Variants in TDRP observed in about 807,000 individuals in gnomAD.
TDRP encodes the protein testis development related protein, also known as testis development-related protein.
A neutral mutation model predicts 10.5 loss-of-function variants in TDRP; 12 were observed. That is an observed-to-expected ratio of 1.15 (90% confidence interval 0.73 to 1.86). TDRP has a LOEUF of 1.86. TDRP is among the 40% of genes most tolerant of loss of function. The pLI is 0.00. For synonymous variants in TDRP, 139 were observed against 95.4 expected, an observed-to-expected ratio of 1.46 and a Z score of -2.67; for missense variants, 353 against 229.2, an observed-to-expected ratio of 1.54 and a Z score of -3.49.
At chr8:498,356 A>T (rs1402888435) in intron 1 of TDRP, among the ~76,000 whole-genome samples, 1 of 152,184 alleles carries the variant, frequency 6.6e-6, no homozygotes, top group Non-Finnish European at 1.5e-5. Context: ...CATGGCATGT[A>T]AAGGGATTAT....
chr8:528,299 C>T (rs1443851742), intron 1 of TDRP, among the ~76,000 whole-genome samples: 4 of 152,162 alleles, frequency 2.6e-5, no homozygotes, highest in African/African-American at 9.7e-5. Context: ...AACCGTTGTA[C>T]ACTATTGGTG....
At chr8:544,038 G>C (rs904227938) in intron 1 of TDRP, among the ~76,000 whole-genome samples, 2 of 152,120 alleles carry the variant, frequency 1.3e-5, no homozygotes, top group African/African-American at 2.4e-5. Context: ...CACTCGTCAG[G>C]TAAAGGCCTT....
At chr8:502,215 G>A (rs182715688) in intron 1 of TDRP, among the ~76,000 whole-genome samples, 96 of 152,310 alleles carry the variant, frequency 6.3e-4, no homozygotes, top group African/African-American at 1.9e-3. Flanking sequence ...CTAAATTTGG[G>A]AACTCACAGT....
chr8:539,866 G>C (rs748135173), intron 1 of TDRP, among the ~76,000 whole-genome samples: 35 of 152,104 alleles, frequency 2.3e-4, no homozygotes, highest in Non-Finnish European at 4.0e-4. Flanking sequence ...CTATTCCTTG[G>C]CTCTCCCCAT....
intron 1 of TDRP, among the ~76,000 whole-genome samples, chr8:522,078 G>C (rs1038343991): frequency 6.6e-6 from 1 of 152,142 alleles, no homozygotes; most frequent in Non-Finnish European, 1.5e-5. Flanking sequence ...CAACCTTGCT[G>C]AATTTGTTCA....
chr8:507,354 G>C lies in TDRP; in HGVS notation c.109-12757C>G, dbSNP rs546670292. 2.6e-5 allele frequency among the ~76,000 whole-genome samples: 4 copies of C among 152,248 alleles called. 1 individual carries two copies. The highest frequency in any genetic ancestry group is 9.6e-5 in the African/African-American group (4 of 41,554). On this transcript the variant is annotated intron_variant, in intron 1 of 2. Coordinates refer to ENST00000324079, the MANE Select transcript of TDRP (RefSeq NM_001384899.1). Reference sequence around the variant, plus strand: ...GCTGCTGGCTTTCAGGGAAGAACTAGGGAATAAGACAGCTGGAAGGATCCT... The same window carrying C: ...GCTGCTGGCTTTCAGGGAAGAACTACGGAATAAGACAGCTGGAAGGATCCT...
At chr8:494,455 C>G in intron 2 of TDRP, 39 bp downstream of exon 2, 1 of 1,590,286 alleles carries the variant, frequency 6.3e-7, no homozygotes, top group Non-Finnish European at 8.6e-7. Flanking sequence ...CTTCCTCCCT[C>G]TCCTGAAATG....
At chr8:524,652 A>T (rs1391771631) in intron 1 of TDRP, among the ~76,000 whole-genome samples, 1 of 152,174 alleles carries the variant, frequency 6.6e-6, no homozygotes, top group Non-Finnish European at 1.5e-5. Context: ...TTACAAGCTA[A>T]AAAATTAAAC....
chr8:542,762 C>A (rs1337082786), intron 1 of TDRP, among the ~76,000 whole-genome samples: 2 of 150,424 alleles, frequency 1.3e-5, no homozygotes, highest in Admixed American at 6.7e-5. Flanking sequence ...ACTCAAGAGG[C>A]TGAGGCAGGA....
At chr8:524,224 C>T (rs970684370) in intron 1 of TDRP, among the ~76,000 whole-genome samples, 1 of 152,188 alleles carries the variant, frequency 6.6e-6, no homozygotes, top group Admixed American at 6.5e-5. Context: ...CTGCAAGAGT[C>T]ACAGCATTAC....
intron 2 of TDRP, among the ~76,000 whole-genome samples, chr8:493,896 T>G (rs1419622458): frequency 1.3e-5 from 2 of 152,060 alleles, no homozygotes; most frequent in African/African-American, 4.8e-5. Flanking sequence ...TTTCCACTTT[T>G]CCATAACCTT....
intron 1 of TDRP, among the ~76,000 whole-genome samples, chr8:506,367 G>A (rs1221983660): frequency 6.6e-6 from 1 of 152,164 alleles, no homozygotes; most frequent in Admixed American, 6.5e-5. Context: ...AACAGCACAG[G>A]CTCCCTCTCA....
chr8:505,321 G>A (rs1222508839), intron 1 of TDRP, among the ~76,000 whole-genome samples: 1 of 152,220 alleles, frequency 6.6e-6, no homozygotes, highest in Admixed American at 6.5e-5. Context: ...TGCTAAAGCA[G>A]TTTTAATAAC....
chr8:534,868 G>A (rs910992504), intron 1 of TDRP, among the ~76,000 whole-genome samples: 3 of 152,152 alleles, frequency 2.0e-5, no homozygotes, highest in Non-Finnish European at 4.4e-5. Context: ...TGCAATAGCT[G>A]TAAAGCACTC....
intron 1 of TDRP, among the ~76,000 whole-genome samples, chr8:507,866 CAA>C (rs1476690702): frequency 2.0e-5 from 3 of 152,176 alleles, no homozygotes; most frequent in African/African-American, 7.2e-5. Flanking sequence ...TCCCATGACA[CAA>C]GTTTACCTAT....
chr8:493,440 C>G (rs1563114676), intron 2 of TDRP, among the ~76,000 whole-genome samples: 1 of 152,236 alleles, frequency 6.6e-6, no homozygotes, highest in Non-Finnish European at 1.5e-5. Context: ...ACAGCTCCGC[C>G]AGAGCACGAA....
chr8:509,947 G>T lies in TDRP; in HGVS notation c.109-15350C>A, dbSNP rs534879815. 4.6e-5 allele frequency among the ~76,000 whole-genome samples: 7 copies of T among 152,318 alleles called. No homozygotes were observed. The South Asian group carries it at 1.4e-3, about 32-fold the overall frequency. ...TGGGAACTGCTTGGGGCAAACCTGA[G>T]AAGTGGAGGTTGCAGTGAGCCAAGA... On this transcript the variant is annotated intron_variant, in intron 1 of 2. Coordinates refer to ENST00000324079, the MANE Select transcript of TDRP (RefSeq NM_001384899.1).
chr8:515,109 C>A (rs575220205), intron 1 of TDRP, among the ~76,000 whole-genome samples: 1 of 152,276 alleles, frequency 6.6e-6, no homozygotes, highest in East Asian at 1.9e-4. Flanking sequence ...CACACAGAGC[C>A]TCCTTGGCCT....
In TDRP at chr8:492,723, T is replaced by C. The variant is rs1200227816; in HGVS notation, c.234A>G (p.Glu78=). 6.2e-7 allele frequency: 1 copy of C among 1,611,906 alleles called. No homozygotes were observed. The highest frequency in any genetic ancestry group is 1.3e-5 in the African/African-American group (1 of 74,758). The change falls in exon 3 of 3, where the codon GAA becomes GAG. Residue 78 remains glutamate (E), a synonymous_variant. Transcript: ENST00000324079. ...CAGATTTCTTCTCTGCCTTCAACTC[T>C]TCTTTTAATCGTAAGTTAGTTCTAT... The part of the protein sequence containing the change: ...KSKGTNLRLK[E]ELKAEKKSGF...
Sources: allele counts gnomAD v4.1 joint callset (sites outside exome capture counted in the v4.1 genomes callset), GRCh38; gene constraint gnomAD v4.1.1; transcripts MANE v1.5; gene names NCBI Gene and HGNC (gene_info 2026-07-23, HGNC 2026-07-21).